DIAPH2: variants seen among roughly 807,000 people sequenced by gnomAD.
DIAPH2 encodes the protein protein diaphanous homolog 2.
A neutral mutation model predicts 92.7 loss-of-function variants in DIAPH2; 35 were observed. That is an observed-to-expected ratio of 0.38 (90% confidence interval 0.29 to 0.50). DIAPH2 has a LOEUF of 0.50. Ranked by LOEUF, DIAPH2 falls within the 20% of genes least tolerant of loss-of-function variation. The pLI is 0.94. For synonymous variants in DIAPH2, 301 were observed against 280.4 expected, an observed-to-expected ratio of 1.07 and a Z score of -0.73; for missense variants, 701 against 819.5, an observed-to-expected ratio of 0.86 and a Z score of 1.77.
intron 22 of DIAPH2, among the ~76,000 whole-genome samples, chrX:97,151,289 A>G (rs2067283975): frequency 8.9e-6 from 1 of 111,779 alleles, no homozygotes; most frequent in African/African-American, 3.3e-5. Flanking sequence ...TTTAAAAGCC[A>G]GTCATTCAGA....
intron 26 of DIAPH2, among the ~76,000 whole-genome samples, chrX:97,463,844 G>T (rs187133097): frequency 9.0e-6 from 1 of 111,243 alleles, no homozygotes; most frequent in East Asian, 2.8e-4. Context: ...TAGGAGATCT[G>T]GTTTCTAATG....
intron 26 of DIAPH2, among the ~76,000 whole-genome samples, chrX:97,432,328 C>T (rs1348775337): frequency 1.8e-5 from 2 of 109,524 alleles, no homozygotes; most frequent in Non-Finnish European, 3.8e-5. Flanking sequence ...GGACTCTTGC[C>T]CTGTTGCCCA....
chrX:96,802,848 C>T (rs233658), intron 4 of DIAPH2, among the ~76,000 whole-genome samples: 46,692 of 110,646 alleles, frequency 0.42, 8,469 homozygotes, highest in African/African-American at 0.72. Context: ...GCTGACAGTG[C>T]GGCCTTCAGT....
At chrX:97,597,516 G>A (rs181333297) in intron 26 of DIAPH2, among the ~76,000 whole-genome samples, 1 of 111,414 alleles carries the variant, frequency 9.0e-6, no homozygotes, top group Admixed American at 9.5e-5. Context: ...GTGGATGCCT[G>A]TTGACCTTAG....
chrX:96,968,605 T>A (rs1219281178), intron 17 of DIAPH2, among the ~76,000 whole-genome samples: 1 of 112,172 alleles, frequency 8.9e-6, no homozygotes, highest in Non-Finnish European at 1.9e-5. Flanking sequence ...TTGATTTCTT[T>A]AAGTTCCTTA....
intron 26 of DIAPH2, among the ~76,000 whole-genome samples, chrX:97,511,638 T>C (rs1202373953): frequency 9.1e-6 from 1 of 110,058 alleles, no homozygotes; most frequent in Non-Finnish European, 1.9e-5. Context: ...TGATATTGGC[T>C]GTGGGTTTGT....
intron 17 of DIAPH2, among the ~76,000 whole-genome samples, chrX:96,980,268 T>C (rs1373029211): frequency 9.0e-6 from 1 of 111,299 alleles, no homozygotes; most frequent in Non-Finnish European, 1.9e-5. Context: ...AAGTGGCTCT[T>C]AGCCGGAAGG....
chrX:96,984,563 T>A (rs1318136915), intron 17 of DIAPH2, among the ~76,000 whole-genome samples: 1 of 111,698 alleles, frequency 9.0e-6, no homozygotes, highest in Non-Finnish European at 1.9e-5. Flanking sequence ...TCTCCATTAT[T>A]TGTCTCTTGC....
intron 26 of DIAPH2, among the ~76,000 whole-genome samples, chrX:97,509,918 T>C (rs2147836101): frequency 9.0e-6 from 1 of 110,853 alleles, no homozygotes; most frequent in South Asian, 3.9e-4. Flanking sequence ...TTGTTAGACA[T>C]TTGGGTTGGT....
chrX:97,144,601 T>G (rs2067230544), intron 22 of DIAPH2, among the ~76,000 whole-genome samples: 1 of 71,135 alleles, frequency 1.4e-5, no homozygotes, highest in Admixed American at 2.0e-4. Flanking sequence ...ATATAGATAT[T>G]TATATATGTG....
chrX:97,273,278 A>G (rs2068406070), intron 23 of DIAPH2, among the ~76,000 whole-genome samples: 1 of 112,548 alleles, frequency 8.9e-6, no homozygotes, highest in South Asian at 3.6e-4. Context: ...AAATGTAAGA[A>G]TACAAGAAAT....
intron 1 of DIAPH2, among the ~76,000 whole-genome samples, chrX:96,708,075 T>C (rs767891426): frequency 4.5e-4 from 50 of 110,891 alleles, no homozygotes; most frequent in African/African-American, 1.5e-3. Context: ...TATAGAAACA[T>C]TGAAGAAAGT....
At chrX:97,491,685 C>T (rs749975579) in intron 26 of DIAPH2, among the ~76,000 whole-genome samples, 1 of 111,963 alleles carries the variant, frequency 8.9e-6, no homozygotes, top group Non-Finnish European at 1.9e-5. Context: ...CGTGAGCCAC[C>T]GCACCAGGCC....
At chrX:96,811,652 T>A (rs1197353200) in intron 4 of DIAPH2, among the ~76,000 whole-genome samples, 1 of 111,720 alleles carries the variant, frequency 9.0e-6, no homozygotes, top group African/African-American at 3.3e-5. Context: ...ATATTGGCTG[T>A]GGGTTTCTCA....
intron 5 of DIAPH2, among the ~76,000 whole-genome samples, chrX:96,895,361 A>G (rs1344391255): frequency 9.0e-6 from 1 of 111,503 alleles, no homozygotes; most frequent in African/African-American, 3.3e-5. Flanking sequence ...GATATAAAGG[A>G]TATTAGATAA....
At chrX:97,406,575 A>C (rs776471826) in intron 25 of DIAPH2, among the ~76,000 whole-genome samples, 1 of 111,834 alleles carries the variant, frequency 8.9e-6, no homozygotes, top group Non-Finnish European at 1.9e-5. Flanking sequence ...AGTCCTATTG[A>C]AGACCCAGGA....
chrX:96,886,955 A>T (rs1218721527), intron 5 of DIAPH2, among the ~76,000 whole-genome samples: 1 of 109,095 alleles, frequency 9.2e-6, no homozygotes, highest in East Asian at 2.9e-4. Context: ...GTCCCTGCAA[A>T]CTGATACACT....
intron 23 of DIAPH2, among the ~76,000 whole-genome samples, chrX:97,311,489 G>A (rs2068793380): frequency 9.0e-6 from 1 of 111,383 alleles, no homozygotes; most frequent in Admixed American, 9.6e-5. Context: ...ACTTGGTGGG[G>A]GGAAGCCTGT....
At chrX:97,092,600 T>C (rs978584558) in intron 19 of DIAPH2, among the ~76,000 whole-genome samples, 13 of 112,461 alleles carry the variant, frequency 1.2e-4, no homozygotes, top group African/African-American at 3.6e-4. Flanking sequence ...TAACTAGTAC[T>C]TAAATGAAAA....
Sources: allele counts gnomAD v4.1 joint callset (sites outside exome capture counted in the v4.1 genomes callset), GRCh38; gene constraint gnomAD v4.1.1; transcripts MANE v1.5; gene names NCBI Gene and HGNC (gene_info 2026-07-23, HGNC 2026-07-21).